The following ZMYND11 variants were observed in gnomAD, a reference collection of about 807,000 sequenced individuals.
The protein encoded by ZMYND11 is zinc finger MYND domain-containing protein 11.
A neutral mutation model predicts 84.9 loss-of-function variants in ZMYND11; 9 were observed. The observed-to-expected ratio is 0.11, with a 90% confidence interval of 0.06 to 0.18. ZMYND11 has a LOEUF of 0.18. Ranked by LOEUF, ZMYND11 falls within the 10% of genes least tolerant of loss-of-function variation. The pLI is 1.00. For missense variants in ZMYND11, 409 were observed against 761.0 expected (o/e 0.54, Z 5.44); for synonymous variants, 250 against 244.1 (o/e 1.02, Z -0.23).
At chr10:210,249 G>C (rs1944961156) in intron 3 of ZMYND11, among the ~76,000 whole-genome samples, 1 of 152,252 alleles carries the variant, frequency 6.6e-6, no homozygotes, top group East Asian at 1.9e-4. Context: ...CAAAGATCCT[G>C]CTTCTCTATA....
intron 2 of ZMYND11, among the ~76,000 whole-genome samples, chr10:201,748 G>A (rs962205055): frequency 1.3e-5 from 2 of 152,082 alleles, no homozygotes; most frequent in Non-Finnish European, 2.9e-5. Flanking sequence ...GCTCTGGGGT[G>A]CCAGATGGTG....
intron 10 of ZMYND11, among the ~76,000 whole-genome samples, chr10:246,535 A>G (rs1392931769): frequency 1.3e-5 from 2 of 152,140 alleles, no homozygotes; most frequent in Non-Finnish European, 2.9e-5. Context: ...AATCTCATTT[A>G]TTTTCCGCTT....
At chr10:205,738 T>G (rs2131188397) in intron 2 of ZMYND11, among the ~76,000 whole-genome samples, 1 of 152,144 alleles carries the variant, frequency 6.6e-6, no homozygotes, top group African/African-American at 2.4e-5. Flanking sequence ...ACACATTTTC[T>G]TTTTTAACAG....
rs532127286 is a variant in ZMYND11, at chr10:231,538, G to A, written c.439-5300G>A. On this transcript the variant is annotated intron_variant, in intron 4 of 14. Transcript: ENST00000381604. ...AACTGAAAATTCTGTACTAATAAAG[G>A]TATTCAGTCCTGAATGCCCCTTTAA... Among the ~76,000 whole-genome samples the A allele has an allele frequency of 3.9e-5, 6 of 152,196 alleles. No individual in the cohort carries two copies. The South Asian group carries it at 8.3e-4, about 21-fold the overall frequency.
At chr10:205,686 T>G (rs1484458709) in intron 2 of ZMYND11, among the ~76,000 whole-genome samples, 1 of 151,868 alleles carries the variant, frequency 6.6e-6, no homozygotes, top group East Asian at 1.9e-4. Context: ...TGAGACCCTG[T>G]ACAAAAAATA....
chr10:175,646 G>T (rs1187588316), intron 1 of ZMYND11, among the ~76,000 whole-genome samples: 7 of 152,112 alleles, frequency 4.6e-5, no homozygotes, highest in African/African-American at 1.7e-4. Context: ...AAGGACTTCT[G>T]ATCACAAAAG....
chr10:233,583 A>G (rs1350421144), intron 4 of ZMYND11, among the ~76,000 whole-genome samples: 1 of 152,194 alleles, frequency 6.6e-6, no homozygotes, highest in Non-Finnish European at 1.5e-5. Flanking sequence ...AATATCTTCA[A>G]AGAATTCTGG....
intron 1 of ZMYND11, among the ~76,000 whole-genome samples, chr10:149,285 G>GTTATTATTAATATTATTATTATTATTA (rs1554756302): frequency 7.2e-6 from 1 of 139,322 alleles, no homozygotes; most frequent in African/African-American, 2.7e-5. Context: ...TGAGGTGGTT[G>GTTATTATTAATATTATTATTATTATTA]TTATTATTAT....
chr10:179,943 A>G (rs1847480677), intron 1 of ZMYND11, 51 bp from the exon 2 acceptor site: 1 of 1,127,972 alleles, frequency 8.9e-7, no homozygotes, highest in Non-Finnish European at 1.3e-6. Context: ...TATACTGATA[A>G]TTCATTTTGT....
Position 253,750 on chromosome 10 carries a change from T to C in ZMYND11, c.*1280T>C, listed in dbSNP as rs1179853083. ...TTTATCATTTAGTTATTTTTTGAGG[T>C]TAGAGAATAATTTGTACATATTTAT... is the stretch of plus-strand genomic sequence containing the variant. On this transcript the variant is annotated 3_prime_UTR_variant, in exon 15 of 15. Transcript: ENST00000381604. The C allele has an allele frequency of 6.6e-6, 1 of 152,648 alleles. No homozygotes were observed. Among genetic ancestry groups the C allele is most frequent in the African/African-American group, 2.4e-5 (1 of 41,458 alleles). 9.5% of individuals were successfully genotyped at this position (152,648 alleles called of 1,614,324 possible). A position where few individuals can be genotyped will look rare whatever the true frequency, so the allele number is the denominator to read the frequency against.
At chr10:138,787 T>C (rs1276925001) in intron 1 of ZMYND11, among the ~76,000 whole-genome samples, 3 of 152,038 alleles carry the variant, frequency 2.0e-5, no homozygotes, top group African/African-American at 7.2e-5. Flanking sequence ...CTTAGCCTTA[T>C]GATAGTTAAA....
At chr10:173,316 C>A (rs1183526786) in intron 1 of ZMYND11, among the ~76,000 whole-genome samples, 2 of 152,078 alleles carry the variant, frequency 1.3e-5, no homozygotes, top group Non-Finnish European at 2.9e-5. Flanking sequence ...TACTTTTGTT[C>A]TGTCAAAGAT....
chr10:137,294 G>T (rs1554752522), intron 1 of ZMYND11, among the ~76,000 whole-genome samples: 1 of 152,070 alleles, frequency 6.6e-6, no homozygotes, highest in Non-Finnish European at 1.5e-5. Context: ...AGATACCCAG[G>T]TGGCCCATTC....
chr10:150,960 C>G (rs1202909121), intron 1 of ZMYND11, among the ~76,000 whole-genome samples: 8 of 152,202 alleles, frequency 5.3e-5, no homozygotes, highest in African/African-American at 1.9e-4. Context: ...CAAACAGGGT[C>G]TGGAGTGGAC....
At chr10:132,325 T>A (rs1835330889), upstream of ZMYND11, among the ~76,000 whole-genome samples, 1 of 150,826 alleles carries the variant, frequency 6.6e-6, no homozygotes, top group Non-Finnish European at 1.5e-5. Flanking sequence ...TATTGGTCTC[T>A]GAGAAAGTCT....
intron 2 of ZMYND11, among the ~76,000 whole-genome samples, chr10:195,062 C>T (rs1304364377): frequency 1.3e-5 from 2 of 152,080 alleles, no homozygotes; most frequent in Admixed American, 6.5e-5. Context: ...TATGAGACAT[C>T]GTGTATACAG....
At chr10:220,050 A>G (rs1946874939) in intron 3 of ZMYND11, among the ~76,000 whole-genome samples, 1 of 152,160 alleles carries the variant, frequency 6.6e-6, no homozygotes, top group Admixed American at 6.6e-5. Context: ...AAGCAGTAAC[A>G]TGTTTGAACC....
At chr10:138,753 G>GAAA (rs71505864) in intron 1 of ZMYND11, among the ~76,000 whole-genome samples, 1 of 144,794 alleles carries the variant, frequency 6.9e-6, no homozygotes, top group Non-Finnish European at 1.5e-5. Flanking sequence ...ATGTATCTTG[G>GAAA]AAAAAAAAAA....
chr10:248,602 G>A lies in ZMYND11; in HGVS notation c.1494G>A (p.Leu498=). 6 of 1,604,648 alleles carry A rather than the reference G, an allele frequency of 3.7e-6. No homozygotes were observed. Among genetic ancestry groups the A allele is most frequent in the Non-Finnish European group, 5.1e-6 (6 of 1,176,276 alleles). Residue 498 remains leucine, a synonymous_variant, in exon 13 of 15, where the codon CTG becomes CTA. Transcript: ENST00000381604. ...CAGAGCGTGTTGTCCGAGAAGCTCTGGAGAAGGTAATGCTTGTCGCCACTG... is the reference window on the plus strand; with the variant it reads ...CAGAGCGTGTTGTCCGAGAAGCTCTAGAGAAGGTAATGCTTGTCGCCACTG... ...RETERVVREA[L]EKLRSEMEEE... is the part of the protein sequence containing the mutation.
Sources: gnomAD v4.1 joint callset for allele counts (sites outside exome capture counted in the v4.1 genomes callset) on GRCh38, gnomAD v4.1.1 for gene constraint, MANE v1.5 for transcripts, NCBI Gene and HGNC (gene_info 2026-07-23, HGNC 2026-07-21) for gene names.